Variants in SHISAL1 observed in about 807,000 individuals in gnomAD.
SHISAL1 encodes the protein shisa like 1, also known as protein shisa-like-1.
A neutral mutation model predicts 22.6 loss-of-function variants in SHISAL1; 9 were observed. The observed-to-expected ratio is 0.40, with a 90% CI of 0.24 to 0.70. The LOEUF (loss-of-function observed/expected upper bound fraction) is 0.70. Among genes scored for constraint, SHISAL1 ranks in the 30% least tolerant of loss-of-function variants. The pLI is 0.39. For missense variants in SHISAL1, 246 were observed against 270.6 expected (o/e 0.91, Z 0.64); for synonymous variants, 119 against 115.4 (o/e 1.03, Z -0.20).
At chr22:44,316,407 TG>T (rs999107352), upstream of SHISAL1, among the ~76,000 whole-genome samples, 1 of 92,090 alleles carries the variant, frequency 1.1e-5, no homozygotes, top group Non-Finnish European at 2.0e-5. Context: ...AGAACCAGGG[TG>T]GGGGGTGGGG....
intron 3 of SHISAL1, among the ~76,000 whole-genome samples, chr22:44,295,178 T>C (rs1484580272): frequency 2.0e-5 from 3 of 152,002 alleles, no homozygotes; most frequent in Non-Finnish European, 4.4e-5. Context: ...GAGGCACTAG[T>C]GTATAGCCAG....
intron 3 of SHISAL1, among the ~76,000 whole-genome samples, chr22:44,296,028 T>G (rs1195261585): frequency 1.3e-5 from 2 of 152,238 alleles, no homozygotes; most frequent in African/African-American, 4.8e-5. Context: ...GAAGAATGAA[T>G]GAAGGAACCC....
Position 44,285,628 on chromosome 22 carries a change from T to C in SHISAL1, c.399A>G (p.Ala133=), listed in dbSNP as rs371070193. Reference sequence around the variant, plus strand: ...TCCATCGTCCTTGGATGCCCCACCGTGCCAGGTAGACCTTGCAGATGTCGT... The same window carrying C: ...TCCATCGTCCTTGGATGCCCCACCGCGCCAGGTAGACCTTGCAGATGTCGT... ...MNYDICKVYL[A]RWGIQGRWMK... is the part of the protein sequence containing the mutation. Residue 133 remains alanine (A), a synonymous_variant, in exon 4 of 5, where the codon GCA becomes GCG. Transcript: ENST00000381176. 4 of 1,614,094 alleles carry C rather than the reference T, an allele frequency of 2.5e-6. No individual in the cohort carries two copies. The highest frequency in any genetic ancestry group is 3.4e-6 in the Non-Finnish European group (4 of 1,180,026).
At chr22:44,307,400 A>G (rs906715773) in intron 1 of SHISAL1, among the ~76,000 whole-genome samples, 9 of 152,204 alleles carry the variant, frequency 5.9e-5, no homozygotes, top group African/African-American at 9.7e-5. Flanking sequence ...AAGGTCACAC[A>G]GCCACTCAGC....
At chr22:44,255,561 C>T (rs1159542990) in intron 4 of SHISAL1, among the ~76,000 whole-genome samples, 1 of 152,220 alleles carries the variant, frequency 6.6e-6, no homozygotes, top group Non-Finnish European at 1.5e-5. Flanking sequence ...TTACACTTCC[C>T]TGCTGCCTCC....
chr22:44,258,571 T>C (rs548817557), intron 4 of SHISAL1, among the ~76,000 whole-genome samples: 2 of 152,268 alleles, frequency 1.3e-5, no homozygotes, highest in East Asian at 3.9e-4. Flanking sequence ...CATGTGGTAT[T>C]GGGTTTTCTG....
chr22:44,324,399 G>A, the SHISAL1 span, among the ~76,000 whole-genome samples: 8 of 152,278 alleles, frequency 5.3e-5, no homozygotes, highest in African/African-American at 1.9e-4. Context: ...AACAACCACA[G>A]GCTTGGTGGT....
intron 3 of SHISAL1, among the ~76,000 whole-genome samples, chr22:44,288,086 C>T (rs1476188758): frequency 7.2e-5 from 11 of 152,208 alleles, no homozygotes; most frequent in Admixed American, 2.6e-4. Context: ...AGTGGACGCT[C>T]GTTCCCCTAC....
intron 4 of SHISAL1, among the ~76,000 whole-genome samples, chr22:44,258,780 A>G (rs1301689684): frequency 6.6e-6 from 1 of 152,230 alleles, no homozygotes; most frequent in Non-Finnish European, 1.5e-5. Flanking sequence ...GGTCAAAGGT[A>G]AGAAATACTA....
At chr22:44,266,383 TTGTG>T (rs911583739) in intron 4 of SHISAL1, among the ~76,000 whole-genome samples, 3 of 141,886 alleles carry the variant, frequency 2.1e-5, no homozygotes, top group Non-Finnish European at 3.1e-5. Context: ...TGGGGTGTGT[TTGTG>T]TGTGTTTGTC....
At chr22:44,272,305 G>T (rs1487812151) in intron 4 of SHISAL1, among the ~76,000 whole-genome samples, 1 of 152,180 alleles carries the variant, frequency 6.6e-6, no homozygotes, top group Admixed American at 6.5e-5. Context: ...CTTCCCTAAG[G>T]AATATTCACC....
chr22:44,262,511 C>G (rs1253482175), intron 4 of SHISAL1, among the ~76,000 whole-genome samples: 2 of 152,234 alleles, frequency 1.3e-5, no homozygotes, highest in Non-Finnish European at 2.9e-5. Flanking sequence ...TCAGTTCTCT[C>G]AGCAGCCTCA....
intron 4 of SHISAL1, among the ~76,000 whole-genome samples, chr22:44,284,623 T>C (rs573793471): frequency 3.1e-4 from 47 of 152,274 alleles, no homozygotes; most frequent in Middle Eastern, 3.4e-3. Flanking sequence ...ACTCTAGCCC[T>C]TGACCTGGGA....
the SHISAL1 span, among the ~76,000 whole-genome samples, chr22:44,320,620 TC>T: frequency 1.3e-5 from 2 of 152,228 alleles, no homozygotes; most frequent in Admixed American, 6.5e-5. Flanking sequence ...TGTCTCCTGA[TC>T]TTTTCCTAGT....
chr22:44,285,833 G>C, intron 3 of SHISAL1, 88 bp from the exon 4 acceptor site: 1 of 1,153,080 alleles, frequency 8.7e-7, no homozygotes, highest in Non-Finnish European at 1.3e-6. Context: ...TAGAGAATGT[G>C]TCCTGGGGCT....
At chr22:44,270,939 TGTGA>T (rs1453828013) in intron 4 of SHISAL1, among the ~76,000 whole-genome samples, 1 of 152,176 alleles carries the variant, frequency 6.6e-6, no homozygotes, top group Non-Finnish European at 1.5e-5. Context: ...CTAGAGAAGC[TGTGA>T]GTAAGCCCTG....
At chr22:44,284,824 T>C (rs1046232013) in intron 4 of SHISAL1, among the ~76,000 whole-genome samples, 2 of 151,848 alleles carry the variant, frequency 1.3e-5, no homozygotes, top group African/African-American at 4.8e-5. Context: ...GTAGACAAGC[T>C]CAGATCTGAA....
intron 3 of SHISAL1, among the ~76,000 whole-genome samples, chr22:44,286,576 G>A (rs573498705): frequency 9.2e-5 from 14 of 152,176 alleles, no homozygotes; most frequent in South Asian, 2.1e-4. Context: ...ACCTCCCACC[G>A]GCCCTTTGTC....
At chr22:44,309,194 A>G (rs1484490030) in intron 1 of SHISAL1, among the ~76,000 whole-genome samples, 1 of 152,190 alleles carries the variant, frequency 6.6e-6, no homozygotes, top group African/African-American at 2.4e-5. Flanking sequence ...ACGAGTCTCT[A>G]CTGTGGACCA....
Sources: allele counts gnomAD v4.1 joint callset (sites outside exome capture counted in the v4.1 genomes callset), GRCh38; gene constraint gnomAD v4.1.1; transcripts MANE v1.5; gene names NCBI Gene and HGNC (gene_info 2026-07-23, HGNC 2026-07-21).